The following PID1 variants were observed in gnomAD, a reference collection of about 807,000 sequenced individuals.
PID1 encodes the protein PTB-containing, cubilin and LRP1-interacting protein.
A neutral mutation model predicts 19.1 loss-of-function variants in PID1; 10 were observed. The observed-to-expected ratio is 0.52, with a 90% confidence interval of 0.32 to 0.89. The LOEUF (loss-of-function observed/expected upper bound fraction) is 0.89. Among genes scored for constraint, PID1 ranks in the 40% least tolerant of loss-of-function variants. PID1 has a pLI of 0.03. For synonymous variants in PID1, 130 were observed against 116.0 expected (o/e 1.12, Z -0.78); for missense variants, 248 against 285.3 (o/e 0.87, Z 0.94).
In PID1 at chr2:229,184,137, ATGTATATCCCATATG is replaced by A. The variant is rs1691029095; in HGVS notation, c.31-28188_31-28174del. On this transcript the variant is annotated intron_variant, in intron 1 of 2. Transcript: ENST00000392055. ...TGTATATCCCATATGTATATCCCAT[ATGTATATCCCATATG>A]TATATATCCCATATGTATATATCCC... Among the ~76,000 whole-genome samples the A allele has an allele frequency of 1.6e-4, 2 of 12,322 alleles. 1 individual carries two copies. Among genetic ancestry groups the A allele is most frequent in the Non-Finnish European group, 2.7e-4 (2 of 7,326 alleles). 8.1% of individuals were successfully genotyped at this position (12,322 alleles called of 152,430 possible).
chr2:229,101,379 T>C (rs1695070485), intron 2 of PID1, among the ~76,000 whole-genome samples: 2 of 152,302 alleles, frequency 1.3e-5, no homozygotes, highest in African/African-American at 2.4e-5. Flanking sequence ...TACTTTCTTG[T>C]AAGCAACCTT....
intron 2 of PID1, among the ~76,000 whole-genome samples, chr2:229,030,135 C>T (rs1693516162): frequency 6.6e-6 from 1 of 152,088 alleles, no homozygotes; most frequent in Non-Finnish European, 1.5e-5. Flanking sequence ...TGACATTATG[C>T]TAAGTAAAAT....
intron 2 of PID1, among the ~76,000 whole-genome samples, chr2:229,076,490 C>T (rs1694560632): frequency 2.0e-5 from 3 of 151,966 alleles, no homozygotes; most frequent in African/African-American, 2.4e-5. Flanking sequence ...GTTTGCTGCA[C>T]CCATCAACTC....
chr2:229,091,708 C>G (rs1041710455), intron 2 of PID1, among the ~76,000 whole-genome samples: 2 of 152,140 alleles, frequency 1.3e-5, no homozygotes, highest in Non-Finnish European at 2.9e-5. Flanking sequence ...CATAAGCTAC[C>G]CAGGCTAAGG....
chr2:229,087,308 C>T (rs900744261), intron 2 of PID1, among the ~76,000 whole-genome samples: 55 of 152,152 alleles, frequency 3.6e-4, no homozygotes, highest in Non-Finnish European at 1.2e-4. Context: ...CTGCTAAGGA[C>T]ATGATGTTCA....
chr2:229,231,072 C>G (rs576533787), intron 1 of PID1, among the ~76,000 whole-genome samples: 1 of 152,138 alleles, frequency 6.6e-6, no homozygotes, highest in Admixed American at 6.5e-5. Flanking sequence ...AGTTCTCGCC[C>G]CAGCCAGTGT....
chr2:229,215,435 T>C (rs1342881841), intron 1 of PID1, among the ~76,000 whole-genome samples: 3 of 152,268 alleles, frequency 2.0e-5, no homozygotes, highest in Admixed American at 1.3e-4. Flanking sequence ...GTATCATTTA[T>C]TCATTTATCT....
At chr2:229,175,652 G>A (rs1167151535) in intron 1 of PID1, among the ~76,000 whole-genome samples, 2 of 152,136 alleles carry the variant, frequency 1.3e-5, no homozygotes, top group African/African-American at 4.8e-5. Context: ...GCAAGTGGCA[G>A]GCAAACTGCC....
chr2:229,047,607 G>C (rs1574583316), intron 2 of PID1, among the ~76,000 whole-genome samples: 1 of 152,146 alleles, frequency 6.6e-6, no homozygotes, highest in East Asian at 1.9e-4. Flanking sequence ...TTTATTGAGT[G>C]CTATTAGGCA....
intron 1 of PID1, among the ~76,000 whole-genome samples, chr2:229,211,710 C>T (rs1278149855): frequency 6.6e-6 from 1 of 152,168 alleles, no homozygotes; most frequent in Non-Finnish European, 1.5e-5. Context: ...GAGGACTTTC[C>T]TTCCCACTAT....
intron 1 of PID1, among the ~76,000 whole-genome samples, chr2:229,267,470 TG>T (rs1690619588): frequency 1.3e-5 from 2 of 152,228 alleles, no homozygotes; most frequent in Admixed American, 1.3e-4. Flanking sequence ...GATGGTTACA[TG>T]TAAACTTCAC....
rs191655550 is a variant in PID1 at position 229,170,726 on chromosome 2, G to A, written c.31-14762C>T. ...AAGATGAGGCACAGATCAAGTAGACGCCTCTTCATGACAGTCTTTGATGCA... is the reference window on the plus strand; with the variant it reads ...AAGATGAGGCACAGATCAAGTAGACACCTCTTCATGACAGTCTTTGATGCA... On this transcript the variant is annotated intron_variant, in intron 1 of 2. Transcript: ENST00000392055. 2.6e-3 allele frequency among the ~76,000 whole-genome samples: 402 copies of A among 152,230 alleles called. 4 individuals carry two copies. Among genetic ancestry groups the A allele is most frequent in the African/African-American group, 9.2e-3 (382 of 41,536 alleles).
intron 1 of PID1, among the ~76,000 whole-genome samples, chr2:229,219,933 G>C (rs1468114278): frequency 1.3e-5 from 2 of 152,016 alleles, no homozygotes; most frequent in African/African-American, 2.4e-5. Context: ...GAGGGACTAA[G>C]AATAAAAATG....
chr2:229,229,494 A>G (rs1254110670), intron 1 of PID1, among the ~76,000 whole-genome samples: 3 of 152,114 alleles, frequency 2.0e-5, no homozygotes, highest in Non-Finnish European at 4.4e-5. Context: ...AAAATTAGCC[A>G]GGTATGGTGG....
At chr2:229,115,033 T>C (rs1026147211) in intron 2 of PID1, among the ~76,000 whole-genome samples, 27 of 152,290 alleles carry the variant, frequency 1.8e-4, no homozygotes, top group Non-Finnish European at 2.2e-4. Flanking sequence ...GCAAGAATAA[T>C]AGAATACCTG....
In PID1 at chr2:229,204,795, G is replaced by T. The variant is rs537676166; in HGVS notation, c.31-48831C>A. ...GAATGAATCATTATGGGTGGTACGGGTGGTCTTCAGTGAATGCATGCAGAG... is the reference window on the plus strand; with the variant it reads ...GAATGAATCATTATGGGTGGTACGGTTGGTCTTCAGTGAATGCATGCAGAG... On this transcript the variant is annotated intron_variant, in intron 1 of 2. Coordinates refer to ENST00000392055, the MANE Select transcript of PID1 (RefSeq NM_001100818.2). Among the ~76,000 whole-genome samples the T allele has an allele frequency of 3.9e-4, 60 of 152,190 alleles. 1 individual carries two copies. The highest frequency in any genetic ancestry group is 1.4e-3 in the African/African-American group (60 of 41,548).
chr2:229,090,698 C>T (rs1694854948), intron 2 of PID1, among the ~76,000 whole-genome samples: 2 of 152,144 alleles, frequency 1.3e-5, no homozygotes, highest in Admixed American at 6.5e-5. Context: ...TTTCAGCAAA[C>T]TAGGGATGCA....
At chr2:229,048,111 C>A (rs1693919868) in intron 2 of PID1, among the ~76,000 whole-genome samples, 1 of 152,206 alleles carries the variant, frequency 6.6e-6, no homozygotes, top group African/African-American at 2.4e-5. Flanking sequence ...TATTTTCTAA[C>A]TCTGAGACAG....
chr2:229,218,857 C>T (rs1157560167), intron 1 of PID1, among the ~76,000 whole-genome samples: 2 of 152,210 alleles, frequency 1.3e-5, no homozygotes, highest in African/African-American at 4.8e-5. Context: ...TTGATTTACT[C>T]AACAGAAACC....
Sources: allele counts gnomAD v4.1 joint callset (sites outside exome capture counted in the v4.1 genomes callset), GRCh38; gene constraint gnomAD v4.1.1; transcripts MANE v1.5; gene names NCBI Gene and HGNC (gene_info 2026-07-23, HGNC 2026-07-21).